ERI3: variants seen among roughly 807,000 people sequenced by gnomAD.
ERI3 encodes ERI1 exoribonuclease 3.
ERI3 carries 18 observed loss-of-function variants against 44.4 expected under a neutral mutation model. The observed-to-expected ratio is 0.41, with a 90% CI of 0.28 to 0.60. The LOEUF is 0.60. ERI3 is among the 20% of genes least tolerant of loss of function. The pLI, the probability that ERI3 is intolerant of heterozygous loss-of-function variation, is 0.36. For synonymous variants in ERI3, 183 were observed against 164.8 expected (o/e 1.11, Z -0.84); for missense variants, 294 against 435.5 (o/e 0.68, Z 2.89).
chr1:44,290,853 C>T (rs1383183858), intron 6 of ERI3, among the ~76,000 whole-genome samples: 3 of 152,270 alleles, frequency 2.0e-5, no homozygotes, highest in Non-Finnish European at 2.9e-5. Flanking sequence ...TCCCCCACTA[C>T]GCAGGGCATC....
intron 5 of ERI3, among the ~76,000 whole-genome samples, chr1:44,310,961 GCGCACACACACACACACACACACACA>G (rs1316178866): frequency 1.1e-4 from 9 of 84,666 alleles, no homozygotes; most frequent in Non-Finnish European, 1.9e-4. Flanking sequence ...TCGCGCGCGC[GCGCACACACACACACACACACACACA>G]CACACACACA....
intron 8 of ERI3, among the ~76,000 whole-genome samples, chr1:44,222,144 C>T (rs1022319375): frequency 1.3e-5 from 2 of 152,226 alleles, no homozygotes; most frequent in African/African-American, 4.8e-5. Context: ...GGAGATGTGA[C>T]CCAGGCCATA....
At chr1:44,278,689 T>C (rs191266622) in intron 7 of ERI3, among the ~76,000 whole-genome samples, 1 of 152,262 alleles carries the variant, frequency 6.6e-6, no homozygotes, top group African/African-American at 2.4e-5. Flanking sequence ...CTCCATTGCC[T>C]CCCGGGTTCA....
intron 6 of ERI3, among the ~76,000 whole-genome samples, chr1:44,304,621 C>T (rs1304537423): frequency 1.3e-5 from 2 of 152,142 alleles, no homozygotes; most frequent in South Asian, 2.1e-4. Context: ...CGCCCAGGTG[C>T]GTGGTTCCAT....
At chr1:44,318,123 T>C (rs1483334131) in intron 4 of ERI3, among the ~76,000 whole-genome samples, 2 of 152,144 alleles carry the variant, frequency 1.3e-5, no homozygotes, top group Non-Finnish European at 2.9e-5. Context: ...CCACAAAAAG[T>C]AGCAGCAGCA....
chr1:44,342,203 G>C lies in ERI3; in HGVS notation c.212-2881C>G, dbSNP rs533699817. 5.9e-5 allele frequency among the ~76,000 whole-genome samples: 9 copies of C among 152,310 alleles called. No homozygotes were observed. In the East Asian group the frequency reaches 1.7e-3, roughly 29 times the overall value. The stretch of plus-strand genomic sequence containing the variant: ...GCAGGGTGAGGAAGACATCCTTGCA[G>C]AAGTGGGAAGGTGTGGTGCAGCATG... On this transcript the variant is annotated intron_variant, in intron 2 of 8. Transcript: ENST00000372257.
At chr1:44,222,950 C>T (rs1440399452) in intron 8 of ERI3, among the ~76,000 whole-genome samples, 2 of 152,222 alleles carry the variant, frequency 1.3e-5, no homozygotes, top group Non-Finnish European at 2.9e-5. Flanking sequence ...CCCTCCAGCA[C>T]TAGAAAAGGG....
chr1:44,335,018 C>T (rs2154330771), intron 3 of ERI3, among the ~76,000 whole-genome samples: 1 of 152,186 alleles, frequency 6.6e-6, no homozygotes, highest in African/African-American at 2.4e-5. Context: ...GTCATAAAAA[C>T]AGAAGTGTAC....
intron 6 of ERI3, among the ~76,000 whole-genome samples, chr1:44,286,098 T>C (rs1645389177): frequency 1.3e-5 from 2 of 152,206 alleles, no homozygotes; most frequent in Non-Finnish European, 2.9e-5. Flanking sequence ...GCTAGCTTCA[T>C]GCTACTCACT....
At chr1:44,338,862 C>T (rs1646588579) in intron 3 of ERI3, among the ~76,000 whole-genome samples, 183 bp downstream of exon 3, 1 of 152,196 alleles carries the variant, frequency 6.6e-6, no homozygotes, top group Admixed American at 6.5e-5. Flanking sequence ...TCTCCAGAGA[C>T]TTCTCAGGTC....
intron 3 of ERI3, 41 bp downstream of exon 3, chr1:44,339,004 T>C: frequency 1.3e-6 from 2 of 1,596,986 alleles, no homozygotes; most frequent in Non-Finnish European, 1.7e-6. Flanking sequence ...CCTCCCTCCT[T>C]GCCCCCCCCA....
At chr1:44,313,982 A>G (rs919304609) in intron 4 of ERI3, among the ~76,000 whole-genome samples, 8 of 151,864 alleles carry the variant, frequency 5.3e-5, no homozygotes, top group African/African-American at 1.9e-4. Context: ...GTTTGGTTTA[A>G]AGTAAAAAAA....
Position 44,324,476 on chromosome 1 carries a change from C to CTTTTTT in ERI3, c.490-4738_490-4733dup, listed in dbSNP as rs35475844. Among the ~76,000 whole-genome samples, 31 of 90,452 alleles carry CTTTTTT rather than the reference C, an allele frequency of 3.4e-4. 1 individual carries two copies. The highest frequency in any genetic ancestry group is 5.7e-4 in the Admixed American group (4 of 6,996). 59.3% of individuals were successfully genotyped at this position (90,452 alleles called of 152,430 possible). Reference sequence around the variant, plus strand: ...CCAAGGGTTTCCTGCAACATAGACTCTTTTTTTTTTTTTTTTTTTTTTTGA... The same window carrying CTTTTTT: ...CCAAGGGTTTCCTGCAACATAGACTCTTTTTTTTTTTTTTTTTTTTTTTTTTTTTGA... On this transcript the variant is annotated intron_variant, in intron 3 of 8. Coordinates refer to ENST00000372257, the MANE Select transcript of ERI3 (RefSeq NM_024066.3).
chr1:44,354,642 T>C (rs1422189664), intron 1 of ERI3: 3 of 985,254 alleles, frequency 3.0e-6, no homozygotes, highest in Non-Finnish European at 1.2e-6. Flanking sequence ...ATTTCTAGCC[T>C]CTCTAGTCAA....
At chr1:44,271,052 C>T (rs970826261) in intron 7 of ERI3, among the ~76,000 whole-genome samples, 5 of 152,322 alleles carry the variant, frequency 3.3e-5, no homozygotes, top group Admixed American at 2.0e-4. Flanking sequence ...GTGGCCACTT[C>T]CCTCCCTGCT....
rs532471206 is a variant in ERI3, at chr1:44,353,690, C to G, written c.136-765G>C. The G allele has an allele frequency of 3.0e-6, 3 of 985,404 alleles. No individual in the cohort carries two copies. The African/African-American group carries it at 5.2e-5, about 17-fold the overall frequency. The allele number at this position is 985,404 out of a possible 1,614,324, so 61.0% of individuals were successfully genotyped here. A position where few individuals can be genotyped will look rare whatever the true frequency, so the allele number is the denominator to read the frequency against. ...TAAAAGCACTTTTATTTGGAAATTT[C>G]AAGTTGGAAGAAAAGCTCTTAGCCA... On this transcript the variant is annotated intron_variant, in intron 1 of 8. Transcript: ENST00000372257.
At chr1:44,329,764 T>G (rs1448341284) in intron 3 of ERI3, among the ~76,000 whole-genome samples, 1 of 152,234 alleles carries the variant, frequency 6.6e-6, no homozygotes. Flanking sequence ...ATAACAGCTC[T>G]GCCTGTTATG....
chr1:44,241,830 A>ACATG lies in ERI3; in HGVS notation c.931+6108_931+6109insCATG, dbSNP rs1382102894. 1 of 290,868 alleles carries ACATG rather than the reference A, an allele frequency of 3.4e-6. No homozygotes were observed. The highest frequency in any genetic ancestry group is 2.3e-5 in the African/African-American group (1 of 43,830). The allele number at this position is 290,868 out of a possible 1,614,324, so 18.0% of individuals were successfully genotyped here. On this transcript the variant is annotated intron_variant, in intron 8 of 8. Coordinates refer to ENST00000372257, the MANE Select transcript of ERI3 (RefSeq NM_024066.3). This position sits in a 1 kb window ranked among gnomAD's most constrained non-coding sequence, Gnocchi z 5.6. ...CACATACATACATACATACATACAT[A>ACATG]CATACATACATACATACATACAGGA... is the stretch of plus-strand genomic sequence containing the variant.
intron 7 of ERI3, among the ~76,000 whole-genome samples, chr1:44,278,342 T>C (rs911721837): frequency 1.3e-5 from 2 of 152,086 alleles, no homozygotes; most frequent in Non-Finnish European, 2.9e-5. Flanking sequence ...CTTGGCATGG[T>C]AGCACACACC....
Sources: gnomAD v4.1 joint callset for allele counts (sites outside exome capture counted in the v4.1 genomes callset) on GRCh38, gnomAD v4.1.1 for gene constraint, Gnocchi (gnomAD v3.1) non-coding constraint, MANE v1.5 for transcripts, NCBI Gene and HGNC (gene_info 2026-07-23, HGNC 2026-07-21) for gene names.